The following BBS9 variants were observed in gnomAD, a reference collection of about 807,000 sequenced individuals.
The protein encoded by BBS9 is Bardet-Biedl syndrome 9.
Under a neutral mutation model 117.7 loss-of-function variants are expected in BBS9, and 89 were observed. The ratio of observed to expected loss-of-function variants is 0.76; its 90% CI spans 0.64 to 0.90. The LOEUF is 0.90. Among genes scored for constraint, BBS9 ranks in the 40% least tolerant of loss-of-function variants. BBS9 has a pLI of 0.00. For missense variants in BBS9, 982 were observed against 1,042.2 expected, an observed-to-expected ratio of 0.94 and a Z score of 0.80; for synonymous variants, 379 against 370.9, an observed-to-expected ratio of 1.02 and a Z score of -0.25.
chr7:33,239,168 A>G (rs974750597), intron 5 of BBS9, among the ~76,000 whole-genome samples: 1 of 152,140 alleles, frequency 6.6e-6, no homozygotes, highest in Non-Finnish European at 1.5e-5. Context: ...AATCTTCATC[A>G]GGCAAAAGTG....
chr7:33,598,389 C>T (rs922465925), intron 21 of BBS9, among the ~76,000 whole-genome samples: 1 of 151,984 alleles, frequency 6.6e-6, no homozygotes, highest in Non-Finnish European at 1.5e-5. Context: ...TTATCATGAC[C>T]AAGAAGAGCC....
At chr7:33,270,773 G>C (rs148540245) in intron 7 of BBS9, among the ~76,000 whole-genome samples, 76 of 152,318 alleles carry the variant, frequency 5.0e-4, no homozygotes, top group African/African-American at 1.8e-3. Flanking sequence ...AAGCAAGCAA[G>C]TTGGAAAACC....
At chr7:33,594,113 T>A (rs1446697695) in intron 21 of BBS9, among the ~76,000 whole-genome samples, 1 of 152,158 alleles carries the variant, frequency 6.6e-6, no homozygotes, top group African/African-American at 2.4e-5. Context: ...CCTAAGGGAC[T>A]TAGTGTTCAG....
In BBS9 at chr7:33,162,442, A is replaced by G. The variant is rs78238364; in HGVS notation, c.328+6740A>G. Among the ~76,000 whole-genome samples, 2,770 of 152,228 alleles carry G rather than the reference A, an allele frequency of 0.018. 236 individuals carry two copies. The East Asian group carries it at 0.28, about 15-fold the overall frequency. ...TGGGCAGTATGGCCATTTTCACTGT[A>G]TGGATTCTTCCTATCCATGAGCATG... On this transcript the variant is annotated intron_variant, in intron 4 of 22. Transcript: ENST00000242067.
intron 21 of BBS9, among the ~76,000 whole-genome samples, chr7:33,569,589 TAA>T (rs140184306): frequency 3.6e-5 from 5 of 140,362 alleles, no homozygotes; most frequent in African/African-American, 2.6e-5. Flanking sequence ...CATCTCTACT[TAA>T]AAAAAAAAAA....
At chr7:33,346,227 C>A (rs565124665) in intron 12 of BBS9, 4 of 468,684 alleles carry the variant, frequency 8.5e-6, no homozygotes, top group African/African-American at 2.0e-5. Context: ...ATAACAACAG[C>A]AGCCAAGATA....
intron 19 of BBS9, among the ~76,000 whole-genome samples, chr7:33,492,493 C>T (rs1430721188): frequency 6.6e-6 from 1 of 152,142 alleles, no homozygotes; most frequent in African/African-American, 2.4e-5. Flanking sequence ...TTTTTCCATA[C>T]CTGTCACAGA....
intron 9 of BBS9, among the ~76,000 whole-genome samples, chr7:33,332,371 T>C (rs1185248532): frequency 6.6e-6 from 1 of 151,966 alleles, no homozygotes; most frequent in East Asian, 1.9e-4. Context: ...CCAAAAACTA[T>C]TGAATTAAAA....
intron 5 of BBS9, among the ~76,000 whole-genome samples, chr7:33,181,954 G>A (rs1215024381): frequency 2.0e-5 from 3 of 152,200 alleles, no homozygotes; most frequent in Non-Finnish European, 4.4e-5. Flanking sequence ...GGGCATGGTG[G>A]TGGGTGCCTG....
intron 20 of BBS9, among the ~76,000 whole-genome samples, chr7:33,527,073 C>G (rs1367789839): frequency 2.6e-5 from 4 of 151,748 alleles, no homozygotes; most frequent in Non-Finnish European, 5.9e-5. Context: ...GGTCAGGGGT[C>G]AGGCACCCAC....
chr7:33,289,919 G>T (rs1285321772), intron 9 of BBS9, among the ~76,000 whole-genome samples: 1 of 151,930 alleles, frequency 6.6e-6, no homozygotes, highest in African/African-American at 2.4e-5. Flanking sequence ...CTACAGGTGT[G>T]CCTGTAGTCC....
intron 19 of BBS9, among the ~76,000 whole-genome samples, chr7:33,453,859 A>C (rs770917121): frequency 3.9e-5 from 6 of 152,230 alleles, no homozygotes; most frequent in Non-Finnish European, 8.8e-5. Context: ...GTAAGAATAC[A>C]GTATATAATA....
chr7:33,588,224 A>G (rs1356423234), intron 21 of BBS9, among the ~76,000 whole-genome samples: 1 of 152,138 alleles, frequency 6.6e-6, no homozygotes. Context: ...TTCATTTCCT[A>G]AAGATTTGTA....
intron 19 of BBS9, among the ~76,000 whole-genome samples, chr7:33,459,171 C>T (rs1208205975): frequency 6.6e-6 from 1 of 152,054 alleles, no homozygotes; most frequent in Non-Finnish European, 1.5e-5. Flanking sequence ...ATCCCTCTTC[C>T]CTTTGCTTGT....
chr7:33,193,515 T>C (rs1164810708), intron 5 of BBS9, among the ~76,000 whole-genome samples: 1 of 151,348 alleles, frequency 6.6e-6, no homozygotes, highest in Non-Finnish European at 1.5e-5. Context: ...TGGCCCACTC[T>C]GTTTGGGCCT....
chr7:33,508,314 C>T (rs1039568304), intron 20 of BBS9, among the ~76,000 whole-genome samples: 2 of 152,150 alleles, frequency 1.3e-5, no homozygotes, highest in African/African-American at 4.8e-5. Context: ...GGGGAAGTAA[C>T]AGGAGTAAGA....
In BBS9 at chr7:33,160,115, T is replaced by C. The variant is rs114851714; in HGVS notation, c.328+4413T>C. ...GCAGTTCTATTATTTAGCATAACTTTCATAAGAGAATACAAAGTCTGTTGT... is the reference window on the plus strand; with the variant it reads ...GCAGTTCTATTATTTAGCATAACTTCCATAAGAGAATACAAAGTCTGTTGT... On this transcript the variant is annotated intron_variant, in intron 4 of 22. Coordinates refer to ENST00000242067, the MANE Select transcript of BBS9 (RefSeq NM_198428.3). Among the ~76,000 whole-genome samples the C allele has an allele frequency of 3.6e-3, 550 of 152,306 alleles. 5 individuals carry two copies. Among genetic ancestry groups the C allele is most frequent in the African/African-American group, 0.012 (519 of 41,576 alleles).
At chr7:33,557,260 T>C (rs1218288304) in intron 21 of BBS9, among the ~76,000 whole-genome samples, 1 of 152,204 alleles carries the variant, frequency 6.6e-6, no homozygotes, top group African/African-American at 2.4e-5. Flanking sequence ...ATCTTTTACT[T>C]TTTTTCATTT....
chr7:33,435,380 T>C (rs1835149825), intron 19 of BBS9, among the ~76,000 whole-genome samples: 1 of 152,204 alleles, frequency 6.6e-6, no homozygotes, highest in Non-Finnish European at 1.5e-5. Flanking sequence ...GTACAATTTC[T>C]TGTCTGTTAA....
Sources: allele counts gnomAD v4.1 joint callset (sites outside exome capture counted in the v4.1 genomes callset), GRCh38; gene constraint gnomAD v4.1.1; transcripts MANE v1.5; gene names NCBI Gene and HGNC (gene_info 2026-07-23, HGNC 2026-07-21).